Variants in BORA observed in about 807,000 individuals in gnomAD.
BORA encodes protein aurora borealis.
A neutral mutation model predicts 55.8 loss-of-function variants in BORA; 26 were observed. The observed-to-expected ratio is 0.47, with a 90% CI of 0.34 to 0.65. The LOEUF (loss-of-function observed/expected upper bound fraction) is 0.65, where lower values mean the gene tolerates loss of function less well. Ranked by LOEUF, BORA falls within the 30% of genes least tolerant of loss-of-function variation. The pLI is 0.01. For synonymous variants in BORA, 201 were observed against 216.9 expected, an observed-to-expected ratio of 0.93 and a Z score of 0.64; for missense variants, 568 against 671.5, an observed-to-expected ratio of 0.85 and a Z score of 1.70.
chr13:72,731,686 A>G (rs943348392), intron 3 of BORA, among the ~76,000 whole-genome samples: 2 of 152,180 alleles, frequency 1.3e-5, no homozygotes, highest in African/African-American at 2.4e-5. Context: ...TGAAATTTGC[A>G]CTTTTCTACA....
chr13:72,746,180 A>G lies in BORA; in HGVS notation c.871+104A>G, dbSNP rs922929176. On this transcript the variant is annotated intron_variant, in intron 9 of 11. Coordinates refer to ENST00000390667, the MANE Select transcript of BORA (RefSeq NM_024808.5). Reference sequence around the variant, plus strand: ...CTTAATGATAGAGCTCAAAATGATCACTAACCTTCTAACATTTAGGAACTT... The same window carrying G: ...CTTAATGATAGAGCTCAAAATGATCGCTAACCTTCTAACATTTAGGAACTT... 14 of 1,088,382 alleles carry G rather than the reference A, an allele frequency of 1.3e-5. No homozygotes were observed. The African/African-American group carries it at 1.9e-4, about 15-fold the overall frequency. 67.4% of individuals were successfully genotyped at this position (1,088,382 alleles called of 1,614,324 possible). A position where few individuals can be genotyped will look rare whatever the true frequency, so the allele number is the denominator to read the frequency against.
chr13:72,750,172 C>T (rs1170404361), intron 10 of BORA, among the ~76,000 whole-genome samples: 1 of 152,022 alleles, frequency 6.6e-6, no homozygotes, highest in African/African-American at 2.4e-5. Context: ...AAGAACCAGC[C>T]AAAGAGGAGA....
intron 3 of BORA, among the ~76,000 whole-genome samples, chr13:72,734,696 G>A (rs1246930234): frequency 6.6e-6 from 1 of 152,178 alleles, no homozygotes; most frequent in African/African-American, 2.4e-5. Flanking sequence ...TAATATCAAT[G>A]TAAGTCTTTT....
chr13:72,734,850 ATTT>A (rs1425383001), intron 3 of BORA, 107 bp from the exon 4 acceptor site: 1 of 729,298 alleles, frequency 1.4e-6, no homozygotes, highest in Non-Finnish European at 2.2e-6. Context: ...TGAGCTTAAC[ATTT>A]GCCAGTTTTC....
At chr13:72,728,547 T>A (rs1386200959) in intron 1 of BORA, among the ~76,000 whole-genome samples, 4 of 152,202 alleles carry the variant, frequency 2.6e-5, no homozygotes, top group Non-Finnish European at 5.9e-5. Flanking sequence ...CATGAGATGA[T>A]GAATTTAAAA....
intron 10 of BORA, among the ~76,000 whole-genome samples, chr13:72,748,802 C>T (rs1030254695): frequency 6.6e-6 from 1 of 151,968 alleles, no homozygotes; most frequent in Non-Finnish European, 1.5e-5. Context: ...TTGAAATACA[C>T]CTTAATCATC....
intron 5 of BORA, among the ~76,000 whole-genome samples, chr13:72,742,761 TATATATACACACACACAC>T (rs1420423583): frequency 2.0e-5 from 1 of 50,716 alleles, no homozygotes; most frequent in African/African-American, 5.9e-5. Flanking sequence ...GTGATATATA[TATATATACACACACACAC>T]ACACACACAC....
intron 10 of BORA, chr13:72,752,673 C>G (rs2138109765): frequency 6.6e-6 from 1 of 152,276 alleles, no homozygotes; most frequent in Admixed American, 6.5e-5. Flanking sequence ...AAAAATGTTA[C>G]ACATCACAAG....
intron 11 of BORA, 34 bp downstream of exon 11, chr13:72,753,855 T>C (rs753919345): frequency 4.5e-6 from 7 of 1,558,688 alleles, no homozygotes; most frequent in African/African-American, 1.4e-5. Context: ...CTTAATATTG[T>C]TTAGATTAGA....
chr13:72,731,469 T>C, intron 3 of BORA, 82 bp downstream of exon 3: 3 of 1,096,598 alleles, frequency 2.7e-6, no homozygotes, highest in Non-Finnish European at 2.7e-6. Flanking sequence ...TGAGTATTTT[T>C]CTATGTAAAG....
intron 10 of BORA, among the ~76,000 whole-genome samples, chr13:72,750,253 A>G (rs763690496): frequency 3.9e-5 from 6 of 152,256 alleles, no homozygotes; most frequent in Non-Finnish European, 7.3e-5. Flanking sequence ...TTGCCAAAAT[A>G]GGAGCAAGCA....
intron 3 of BORA, among the ~76,000 whole-genome samples, chr13:72,732,386 C>A (rs1161582288): frequency 2.6e-5 from 4 of 151,898 alleles, no homozygotes; most frequent in Non-Finnish European, 5.9e-5. Context: ...TTAAATAATA[C>A]CTTTGAGGCC....
intron 5 of BORA, 74 bp from the exon 6 acceptor site, chr13:72,743,463 T>C: frequency 9.4e-7 from 1 of 1,059,546 alleles, no homozygotes; most frequent in Non-Finnish European, 1.3e-6. Flanking sequence ...CTTAATTTTT[T>C]ACTTTGGAAA....
rs1409552560 is a variant in BORA, at chr13:72,744,543, A to C, written c.493A>C (p.Asn165His). 6.2e-7 allele frequency: 1 copy of C among 1,609,000 alleles called. No homozygotes were observed. ...ATTGCTGTCTCTTCCTGTGGATTTTAATTTAGAAAATATATTAGGTAAATA... is the reference window on the plus strand; with the variant it reads ...ATTGCTGTCTCTTCCTGTGGATTTTCATTTAGAAAATATATTAGGTAAATA... ...QTLLSLPVDF[N>H]LENILGDYFR... is the part of the protein sequence containing the mutation. The change falls in exon 7 of 12, where the codon AAT (asparagine) becomes CAT (histidine). Residue 165 changes from asparagine (N) to histidine (H), a missense_variant. Asn to His is a moderately conservative substitution (Grantham distance 68, BLOSUM62 1). Coordinates refer to ENST00000390667, the MANE Select transcript of BORA (RefSeq NM_024808.5).
In BORA at chr13:72,745,190, T is replaced by G. The variant is rs1202445234; in HGVS notation, c.721T>G (p.Leu241Val). 1.2e-6 allele frequency: 2 copies of G among 1,613,394 alleles called. No homozygotes were observed. Among genetic ancestry groups the G allele is most frequent in the African/African-American group, 2.7e-5 (2 of 74,914 alleles). The change falls in exon 8 of 12, where the codon TTG becomes GTG. Residue 241 changes from leucine (L) to valine (V), a missense_variant. Physicochemically the swap from Leu to Val is conservative, Grantham distance 32. Transcript: ENST00000390667. The part of the protein sequence containing the change: ...DLSPVKCRSP[L>V]QTPSSGQFSS... Reference sequence around the variant, plus strand: ...GTCTCCTGTAAAGTGTAGGAGCCCCTTGCAGACACCAAGTTCGGTGAGAAG... The same window carrying G: ...GTCTCCTGTAAAGTGTAGGAGCCCCGTGCAGACACCAAGTTCGGTGAGAAG...
intron 10 of BORA, among the ~76,000 whole-genome samples, chr13:72,749,342 C>T (rs1323543125): frequency 5.3e-5 from 8 of 152,172 alleles, no homozygotes; most frequent in East Asian, 1.9e-4. Flanking sequence ...TCCTTTAATG[C>T]GGGTTTCTTT....
In BORA at chr13:72,738,557, C is replaced by T. The variant is rs151261295; in HGVS notation, c.388+514C>T. ...TAAGCTAACAATTATCTTTCTACCT[C>T]CAGGCAATGGTTGTCATATATTTGT... On this transcript the variant is annotated intron_variant, in intron 5 of 11. Coordinates refer to ENST00000390667, the MANE Select transcript of BORA (RefSeq NM_024808.5). Among the ~76,000 whole-genome samples the T allele has an allele frequency of 3.0e-3, 454 of 152,236 alleles. 1 individual carries two copies. Among genetic ancestry groups the T allele is most frequent in the African/African-American group, 9.8e-3 (408 of 41,546 alleles).
intron 10 of BORA, chr13:72,753,041 T>C (rs1177966417): frequency 6.6e-6 from 1 of 152,206 alleles, no homozygotes; most frequent in African/African-American, 2.4e-5. Context: ...CTTAATTTCC[T>C]TCTCTAGTAA....
intron 9 of BORA, 131 bp downstream of exon 9, chr13:72,746,207 G>C (rs2033137561): frequency 1.1e-6 from 1 of 945,044 alleles, no homozygotes; most frequent in Admixed American, 2.9e-5. Context: ...TAGGAACTTT[G>C]ATTTTTAAAT....
Sources: allele counts gnomAD v4.1 joint callset (sites outside exome capture counted in the v4.1 genomes callset), GRCh38; gene constraint gnomAD v4.1.1; transcripts MANE v1.5; gene names NCBI Gene and HGNC (gene_info 2026-07-23, HGNC 2026-07-21).